Variants in CDK8 observed in about 807,000 individuals in gnomAD.
CDK8 encodes cyclin-dependent kinase 8.
Under a neutral mutation model 71.5 loss-of-function variants are expected in CDK8, and 29 were observed. The observed-to-expected ratio is 0.41, with a 90% confidence interval of 0.30 to 0.55. CDK8 has a LOEUF of 0.55. CDK8 is among the 20% of genes least tolerant of loss of function. CDK8 has a pLI of 0.37. For synonymous variants in CDK8, 161 were observed against 192.1 expected (o/e 0.84, Z 1.34); for missense variants, 288 against 572.6 (o/e 0.50, Z 5.07).
intron 4 of CDK8, among the ~76,000 whole-genome samples, chr13:26,381,887 A>G (rs1322876475): frequency 6.6e-6 from 1 of 152,174 alleles, no homozygotes; most frequent in Non-Finnish European, 1.5e-5. Flanking sequence ...GGTTACCACT[A>G]TAAACAGGCT....
rs182642336 is a variant in CDK8, at chr13:26,322,779, T to G, written c.129-14788T>G. Reference sequence around the variant, plus strand: ...CTTGATCCCTTCCAATGTGTACTGCTTGTTGCATGGTTTTTCTGAAAGTCT... The same window carrying G: ...CTTGATCCCTTCCAATGTGTACTGCGTGTTGCATGGTTTTTCTGAAAGTCT... On this transcript the variant is annotated intron_variant, in intron 1 of 12. Transcript: ENST00000381527. 3.1e-3 allele frequency among the ~76,000 whole-genome samples: 467 copies of G among 152,304 alleles called. 1 individual carries two copies. Among genetic ancestry groups the G allele is most frequent in the African/African-American group, 0.011 (452 of 41,576 alleles).
rs965327609 is a variant in CDK8, at chr13:26,404,153, C to T, written c.*72C>T. Reference sequence around the variant, plus strand: ...TGACTGTGCAGCTCTCTGCGGGAACCTGGTATGGGCCATGAGAATGTACTG... The same window carrying T: ...TGACTGTGCAGCTCTCTGCGGGAACTTGGTATGGGCCATGAGAATGTACTG... On this transcript the variant is annotated 3_prime_UTR_variant, in exon 13 of 13. Coordinates refer to ENST00000381527, the MANE Select transcript of CDK8 (RefSeq NM_001260.3). 1.9e-6 allele frequency: 3 copies of T among 1,548,046 alleles called. No homozygotes were observed. Among genetic ancestry groups the T allele is most frequent in the African/African-American group, 2.7e-5 (2 of 73,830 alleles).
chr13:26,391,872 G>T (rs1170598787), intron 6 of CDK8, among the ~76,000 whole-genome samples: 2 of 152,190 alleles, frequency 1.3e-5, no homozygotes, highest in African/African-American at 4.8e-5. Context: ...ATGTAAATAT[G>T]TGAAATTTTA....
At chr13:26,309,561 T>A (rs1292560286) in intron 1 of CDK8, among the ~76,000 whole-genome samples, 1 of 152,206 alleles carries the variant, frequency 6.6e-6, no homozygotes. Flanking sequence ...CTATGAGAAT[T>A]CCTTCTTCTA....
intron 1 of CDK8, among the ~76,000 whole-genome samples, chr13:26,331,261 T>A (rs549787110): frequency 6.6e-6 from 1 of 152,332 alleles, no homozygotes; most frequent in South Asian, 2.1e-4. Context: ...AATGTATCTA[T>A]TCATGTCCTT....
At chr13:26,304,958 G>A (rs1424080899) in intron 1 of CDK8, among the ~76,000 whole-genome samples, 1 of 152,112 alleles carries the variant, frequency 6.6e-6, no homozygotes, top group Non-Finnish European at 1.5e-5. Flanking sequence ...GTGAGCCACT[G>A]TGCTTGGCCT....
intron 4 of CDK8, among the ~76,000 whole-genome samples, chr13:26,363,725 ATTAT>A (rs1305926077): frequency 2.6e-5 from 4 of 152,028 alleles, no homozygotes; most frequent in Non-Finnish European, 5.9e-5. Flanking sequence ...GTTTATTTTA[ATTAT>A]ACTGGGTAAT....
At chr13:26,364,437 T>G (rs6491120) in intron 4 of CDK8, among the ~76,000 whole-genome samples, 151,873 of 152,272 alleles carry the variant, frequency 1, 75,739 homozygotes, top group Middle Eastern at 1. Flanking sequence ...ACTAGAAAAT[T>G]CTTAGGCCCA....
At chr13:26,359,212 G>T (rs1247982952) in intron 4 of CDK8, among the ~76,000 whole-genome samples, 1 of 152,110 alleles carries the variant, frequency 6.6e-6, no homozygotes, top group East Asian at 1.9e-4. Context: ...GGTTGCCAGG[G>T]CTGAGGGGAG....
intron 12 of CDK8, 66 bp from the exon 13 acceptor site, chr13:26,403,890 C>T: frequency 6.4e-7 from 1 of 1,570,176 alleles, no homozygotes; most frequent in Non-Finnish European, 8.7e-7. Context: ...ACACTTCAGT[C>T]ACATATTGGG....
intron 1 of CDK8, among the ~76,000 whole-genome samples, chr13:26,267,633 A>C (rs1198927350): frequency 6.6e-6 from 1 of 152,148 alleles, no homozygotes; most frequent in Admixed American, 6.5e-5. Flanking sequence ...TGTTTTGGAG[A>C]TCTATATCAG....
intron 4 of CDK8, among the ~76,000 whole-genome samples, chr13:26,360,654 A>G (rs1005882841): frequency 6.6e-6 from 1 of 152,190 alleles, no homozygotes; most frequent in African/African-American, 2.4e-5. Flanking sequence ...TATGCCTCCC[A>G]CTGCCTACCA....
At chr13:26,372,587 C>T (rs1874741039) in intron 4 of CDK8, among the ~76,000 whole-genome samples, 2 of 152,074 alleles carry the variant, frequency 1.3e-5, no homozygotes, top group African/African-American at 2.4e-5. Context: ...TGCCATTTCT[C>T]CTATTAAATG....
intron 1 of CDK8, among the ~76,000 whole-genome samples, chr13:26,304,290 C>G (rs1873943878): frequency 2.0e-5 from 3 of 151,732 alleles, no homozygotes; most frequent in Admixed American, 2.0e-4. Context: ...AAAAGAAATC[C>G]TTTTATTTTC....
At position 26,403,943 on chromosome 13, in the gene CDK8, A is replaced by G. The variant is rs376226775; in HGVS notation, c.1270-13A>G. ...AGCACCTGAATCACACTTTTCCCTC[A>G]TCTCCTTTCCAGCGTTCCAATCCAC... On this transcript the variant is annotated splice_polypyrimidine_tract_variant and intron_variant, in intron 12 of 12. Transcript: ENST00000381527. The G allele has an allele frequency of 1.9e-6, 3 of 1,609,770 alleles. No homozygotes were observed. Among genetic ancestry groups the G allele is most frequent in the Non-Finnish European group, 2.5e-6 (3 of 1,179,768 alleles).
intron 2 of CDK8, among the ~76,000 whole-genome samples, chr13:26,343,778 T>G (rs1439062531): frequency 3.9e-5 from 6 of 152,208 alleles, no homozygotes; most frequent in Non-Finnish European, 1.5e-5. Context: ...ACTGTAACTT[T>G]TTTACATTAT....
chr13:26,319,429 A>G (rs1000155087), intron 1 of CDK8, among the ~76,000 whole-genome samples: 3 of 151,782 alleles, frequency 2.0e-5, no homozygotes, highest in African/African-American at 7.3e-5. Flanking sequence ...AGATCATGCC[A>G]TTGCACTCCA....
intron 1 of CDK8, among the ~76,000 whole-genome samples, chr13:26,270,929 C>G (rs534366789): frequency 7.9e-5 from 12 of 152,256 alleles, no homozygotes; most frequent in South Asian, 2.1e-4. Flanking sequence ...ATTTTGCGTT[C>G]CCACCAGCAG....
intron 8 of CDK8, 39 bp from the exon 9 acceptor site, chr13:26,397,114 C>G (rs1228019608): frequency 5.9e-6 from 7 of 1,176,798 alleles, no homozygotes; most frequent in Non-Finnish European, 8.9e-6. Context: ...CAATTAACCT[C>G]AAGTCTAATA....
Sources: allele counts gnomAD v4.1 joint callset (sites outside exome capture counted in the v4.1 genomes callset), GRCh38; gene constraint gnomAD v4.1.1; transcripts MANE v1.5; gene names NCBI Gene and HGNC (gene_info 2026-07-23, HGNC 2026-07-21).